Variants in LNPK observed in about 807,000 individuals in gnomAD.
LNPK encodes the protein endoplasmic reticulum junction formation protein lunapark.
LNPK carries 29 observed loss-of-function variants against 55.2 expected under a neutral mutation model. That is an observed-to-expected ratio of 0.53 (90% confidence interval 0.39 to 0.72). LNPK has a LOEUF of 0.72. Ranked by LOEUF, LNPK falls within the 30% of genes least tolerant of loss-of-function variation. The pLI, the probability that LNPK is intolerant of heterozygous loss-of-function variation, is 0.00. For synonymous variants in LNPK, 162 were observed against 168.2 expected, an observed-to-expected ratio of 0.96 and a Z score of 0.29; for missense variants, 467 against 494.8, an observed-to-expected ratio of 0.94 and a Z score of 0.53.
chr2:175,947,616 T>C lies in LNPK; in HGVS notation c.570A>G (p.Gln190=), dbSNP rs1453943151. The C allele has an allele frequency of 6.2e-7, 1 of 1,613,894 alleles. No homozygotes were observed. Among genetic ancestry groups the C allele is most frequent in the Non-Finnish European group, 8.5e-7 (1 of 1,179,952 alleles). ...PASPNQGPPP[Q]VPVSPGPPKD... ...TTGGTGGTCCAGGAGATACTGGAACTTGTGGAGGAGGGCCCTGGTTAGGGC... is the reference window on the plus strand; with the variant it reads ...TTGGTGGTCCAGGAGATACTGGAACCTGTGGAGGAGGGCCCTGGTTAGGGC... Residue 190 remains glutamine, a synonymous_variant, in exon 9 of 13, where the codon CAA becomes CAG. Coordinates refer to ENST00000272748, the MANE Select transcript of LNPK (RefSeq NM_030650.3).
chr2:175,970,410 C>T (rs1459331090), intron 6 of LNPK, among the ~76,000 whole-genome samples: 1 of 151,980 alleles, frequency 6.6e-6, no homozygotes, highest in Non-Finnish European at 1.5e-5. Context: ...GTCAAGAAAA[C>T]CTGAGAACTG....
chr2:175,994,376 A>G (rs567934963), intron 2 of LNPK: 2 of 961,562 alleles, frequency 2.1e-6, no homozygotes, highest in African/African-American at 3.5e-5. Flanking sequence ...ATCCAAAACA[A>G]GGCTGTTCCA....
At chr2:175,951,090 T>C (rs1685374126) in intron 8 of LNPK, among the ~76,000 whole-genome samples, 1 of 152,166 alleles carries the variant, frequency 6.6e-6, no homozygotes, top group African/African-American at 2.4e-5. Flanking sequence ...CGTCCCTTAA[T>C]TTATCAGATT....
intron 4 of LNPK, among the ~76,000 whole-genome samples, chr2:175,991,849 G>A (rs1475467809): frequency 2.0e-5 from 3 of 152,204 alleles, no homozygotes; most frequent in East Asian, 1.9e-4. Context: ...ACGAAGGGAA[G>A]AGAGTTGAGG....
intron 9 of LNPK, among the ~76,000 whole-genome samples, chr2:175,942,358 C>G (rs1418319401): frequency 6.6e-6 from 1 of 152,106 alleles, no homozygotes; most frequent in Non-Finnish European, 1.5e-5. Flanking sequence ...ACTGGGGGAT[C>G]CTGGAACCAA....
chr2:175,955,416 C>T (rs1407101049), intron 8 of LNPK, among the ~76,000 whole-genome samples: 4 of 152,206 alleles, frequency 2.6e-5, no homozygotes, highest in African/African-American at 9.6e-5. Flanking sequence ...AGTAAAGTAG[C>T]TCTAACTGAT....
Position 175,992,391 on chromosome 2 carries a change from C to A in LNPK, c.97G>T (p.Glu33Ter). Residue 33 changes from glutamate (E) to a stop codon, truncating the protein, a stop_gained, in exon 4 of 13, where the codon GAA (glutamate) becomes TAA (stop). Coordinates refer to ENST00000272748, the MANE Select transcript of LNPK (RefSeq NM_030650.3). LOFTEE classifies it high-confidence loss of function. ...KEIQALEEFREKNQRLQKLWV... is the reference protein window; with the variant it reads ...KEIQALEEFR ...AATTTTTGTAATCTCTGATTTTTTTCCCTAAATTCTTCCAATGCTTGAATT... is the reference window on the plus strand; with the variant it reads ...AATTTTTGTAATCTCTGATTTTTTTACCTAAATTCTTCCAATGCTTGAATT... 6.6e-7 allele frequency: 1 copy of A among 1,506,464 alleles called. No individual in the cohort carries two copies. The highest frequency in any genetic ancestry group is 8.8e-7 in the Non-Finnish European group (1 of 1,133,826). The allele number at this position is 1,506,464 out of a possible 1,614,324, so 93.3% of individuals were successfully genotyped here.
intron 9 of LNPK, 181 bp from the exon 10 acceptor site, chr2:175,939,838 C>T (rs1398361098): frequency 2.1e-6 from 1 of 476,438 alleles, no homozygotes; most frequent in African/African-American, 2.0e-5. Context: ...TACTGTACTA[C>T]AAAATATATT....
Position 175,937,771 on chromosome 2 carries a change from G to A in LNPK, c.884-257C>T, listed in dbSNP as rs147762218. The A allele has an allele frequency of 2.2e-3, 654 of 294,188 alleles. 4 individuals are homozygous for A. Among genetic ancestry groups the A allele is most frequent in the South Asian group, 0.011 (126 of 11,416 alleles). The allele number at this position is 294,188 out of a possible 1,614,324, so 18.2% of individuals were successfully genotyped here. A position where few individuals can be genotyped will look rare whatever the true frequency, so the allele number is the denominator to read the frequency against. On this transcript the variant is annotated intron_variant, in intron 11 of 12. Coordinates refer to ENST00000272748, the MANE Select transcript of LNPK (RefSeq NM_030650.3). ...ACATAGCAGGCTAACTATGTAATAA[G>A]TTACACAGCAGGTTGACAGCAGAAT...
rs1276978675 is a variant in LNPK at position 175,930,303 on chromosome 2, CACACACACACACACAA to C, written c.1055-120_1055-105del. On this transcript the variant is annotated intron_variant, in intron 12 of 12. Transcript: ENST00000272748. ...ACACACACACACACACACACACACA[CACACACACACACACAA>C]AGAAACCATACAATTGTCTAACATT... 3.2e-5 allele frequency: 15 copies of C among 471,506 alleles called. No homozygotes were observed. In the Admixed American group the frequency reaches 5.4e-4, roughly 17 times the overall value. 29.2% of individuals were successfully genotyped at this position (471,506 alleles called of 1,614,324 possible).
intron 5 of LNPK, among the ~76,000 whole-genome samples, chr2:175,974,213 A>C (rs1686784257): frequency 6.6e-6 from 1 of 152,220 alleles, no homozygotes; most frequent in Admixed American, 6.5e-5. Context: ...TTGATAATAA[A>C]ATAGTCCACA....
intron 8 of LNPK, among the ~76,000 whole-genome samples, chr2:175,960,737 C>CA (rs963292854): frequency 2.0e-5 from 3 of 151,700 alleles, no homozygotes; most frequent in Non-Finnish European, 2.9e-5. Context: ...GATAGAGACA[C>CA]AAAAAAACCC....
chr2:175,995,918 T>C (rs1005741880), intron 1 of LNPK, among the ~76,000 whole-genome samples: 1 of 144,316 alleles, frequency 6.9e-6, no homozygotes, highest in Non-Finnish European at 1.5e-5. Flanking sequence ...GGTTAAGCGA[T>C]TCTTGTGGCT....
Position 175,953,384 on chromosome 2 carries a change from A to G in LNPK, c.494-5692T>C, listed in dbSNP as rs115248337. On this transcript the variant is annotated intron_variant, in intron 8 of 12. Coordinates refer to ENST00000272748, the MANE Select transcript of LNPK (RefSeq NM_030650.3). ...TTTCTCCTGAGCTCCATATGAAATA[A>G]TCAACTACCTATGAACCTCAGCATC... is the stretch of plus-strand genomic sequence containing the variant. 4.5e-3 allele frequency among the ~76,000 whole-genome samples: 691 copies of G among 152,232 alleles called. 3 individuals carry two copies. The highest frequency in any genetic ancestry group is 7.9e-3 in the Non-Finnish European group (538 of 67,956).
At position 175,929,365 on chromosome 2, in the gene LNPK, T is replaced by C. The variant is rs974840420; in HGVS notation, c.*602A>G. On this transcript the variant is annotated 3_prime_UTR_variant, in exon 13 of 13. Coordinates refer to ENST00000272748, the MANE Select transcript of LNPK (RefSeq NM_030650.3). ...GTTGACTGTTTCATTGCATTCTCAC[T>C]GAGAATTCGTACCAGTGCCAACGTA... 1.5e-5 allele frequency: 15 copies of C among 985,710 alleles called. No individual in the cohort carries two copies. Among genetic ancestry groups the C allele is most frequent in the African/African-American group, 7.0e-5 (4 of 57,242 alleles). The allele number at this position is 985,710 out of a possible 1,614,324, so 61.1% of individuals were successfully genotyped here. A position where few individuals can be genotyped will look rare whatever the true frequency, so the allele number is the denominator to read the frequency against.
intron 1 of LNPK, among the ~76,000 whole-genome samples, chr2:175,998,975 C>A (rs1688063404): frequency 6.6e-6 from 1 of 152,152 alleles, no homozygotes; most frequent in African/African-American, 2.4e-5. Flanking sequence ...ACATCTTAGC[C>A]TCTAAGACCC....
intron 6 of LNPK, among the ~76,000 whole-genome samples, chr2:175,968,239 G>A (rs531080151): frequency 2.6e-5 from 4 of 152,230 alleles, no homozygotes; most frequent in African/African-American, 7.2e-5. Flanking sequence ...GTAGTTGATT[G>A]TTAAGCTTTA....
chr2:175,929,087 T>A lies in LNPK; in HGVS notation c.*880A>T, dbSNP rs552473795. ...GCCAAGTCACCCACCAAGATACTGT[T>A]TGAAGAAGACTAGATATTTAGCAAA... is the stretch of plus-strand genomic sequence containing the variant. On this transcript the variant is annotated 3_prime_UTR_variant, in exon 13 of 13. Transcript: ENST00000272748. The A allele has an allele frequency of 1.0e-6, 1 of 984,648 alleles. No homozygotes were observed. Among genetic ancestry groups the A allele is most frequent in the East Asian group, 1.1e-4 (1 of 8,812 alleles). 61.0% of individuals were successfully genotyped at this position (984,648 alleles called of 1,614,324 possible).
chr2:175,983,521 TG>T (rs1461612542), intron 4 of LNPK, among the ~76,000 whole-genome samples: 2 of 152,092 alleles, frequency 1.3e-5, no homozygotes, highest in Non-Finnish European at 2.9e-5. Context: ...CAAAAAAAAT[TG>T]TTTCAAGACA....
Sources: gnomAD v4.1 joint callset for allele counts (sites outside exome capture counted in the v4.1 genomes callset) on GRCh38, gnomAD v4.1.1 for gene constraint, MANE v1.5 for transcripts, NCBI Gene and HGNC (gene_info 2026-07-23, HGNC 2026-07-21) for gene names.